Variants in KDM8 observed in about 807,000 individuals in gnomAD.
The protein encoded by KDM8 is bifunctional peptidase and arginyl-hydroxylase JMJD5.
A neutral mutation model predicts 46.9 loss-of-function variants in KDM8; 35 were observed. The observed-to-expected ratio is 0.75, with a 90% CI of 0.57 to 0.99. KDM8 has a LOEUF of 0.99. KDM8 is among the 50% of genes least tolerant of loss of function. The probability of loss-of-function intolerance (pLI) is 0.00; values close to 1 mark genes in which losing one functional copy is unlikely to be tolerated. For missense variants in KDM8, 475 were observed against 537.0 expected (o/e 0.88, Z 1.14); for synonymous variants, 232 against 227.7 (o/e 1.02, Z -0.17).
Position 27,210,682 on chromosome 16 carries a change from A to G in KDM8, c.498+61A>G, listed in dbSNP as rs1256008149. 3.4e-6 allele frequency: 5 copies of G among 1,462,866 alleles called. No homozygotes were observed. The South Asian group carries it at 4.5e-5, about 13-fold the overall frequency. The allele number at this position is 1,462,866 out of a possible 1,614,324, so 90.6% of individuals were successfully genotyped here. A position where few individuals can be genotyped will look rare whatever the true frequency, so the allele number is the denominator to read the frequency against. ...ATCCAGCAACCCTGTTGTTCTAGAA[A>G]TTCCGAGTCATCTCTCCCCTGGGGT... On this transcript the variant is annotated intron_variant, in intron 2 of 7. Coordinates refer to ENST00000286096, the MANE Select transcript of KDM8 (RefSeq NM_024773.3).
At chr16:27,219,634 C>T (rs552131384) in intron 6 of KDM8, among the ~76,000 whole-genome samples, 1 of 152,336 alleles carries the variant, frequency 6.6e-6, no homozygotes, top group East Asian at 1.9e-4. Flanking sequence ...GCAGACCAGT[C>T]CAGAGAGGCA....
chr16:27,210,706 G>A, intron 2 of KDM8, 85 bp downstream of exon 2: 1 of 1,341,972 alleles, frequency 7.5e-7, no homozygotes, highest in Non-Finnish European at 1.0e-6. Context: ...CTCCCCTGGG[G>A]TGAGGCCTCG....
At chr16:27,204,026 A>G (rs1409198628) in intron 1 of KDM8, 22 of 1,381,200 alleles carry the variant, frequency 1.6e-5, no homozygotes, top group East Asian at 2.6e-5. Flanking sequence ...CGCTGCTTTT[A>G]GGCAACCAGC....
Position 27,210,475 on chromosome 16 carries a change from G to T in KDM8, c.352G>T (p.Ala118Ser). The change falls in exon 2 of 8, where the codon GCA becomes TCA. Residue 118 changes from alanine to serine, a missense_variant. Transcript: ENST00000286096. ...ACCTGAGGATGCCAACACTGTGGCC[G>T]CAGCCCTGCGGGTCTGTGACATGGG... ...QAPEDANTVA[A>S]ALRVCDMGLL... is the part of the protein sequence containing the mutation. The T allele has an allele frequency of 6.3e-7, 1 of 1,585,094 alleles. No homozygotes were observed. Among genetic ancestry groups the T allele is most frequent in the Non-Finnish European group, 8.6e-7 (1 of 1,161,542 alleles).
At chr16:27,209,766 A>T (rs1421997109) in intron 1 of KDM8, among the ~76,000 whole-genome samples, 1 of 152,194 alleles carries the variant, frequency 6.6e-6, no homozygotes, top group Non-Finnish European at 1.5e-5. Context: ...CAGGCCTCAC[A>T]TAGGGATATT....
intron 1 of KDM8, among the ~76,000 whole-genome samples, chr16:27,207,988 C>T (rs541628694): frequency 4.5e-4 from 68 of 152,362 alleles, no homozygotes; most frequent in African/African-American, 1.5e-3. Context: ...CCTGAAGCCT[C>T]TGTCTCTGGA....
In KDM8 at chr16:27,220,379, GTC is replaced by G; in HGVS notation, c.994-7_994-6del. 1.2e-6 allele frequency: 2 copies of G among 1,611,306 alleles called. No individual in the cohort carries two copies. Among genetic ancestry groups the G allele is most frequent in the Non-Finnish European group, 1.7e-6 (2 of 1,177,528 alleles). ...GTGAGGCCACCAGCTGACTGTCAGG[GTC>G]TCTCTCCCCAGGTGATGGGGAGGAA... On this transcript the variant is annotated splice_polypyrimidine_tract_variant and intron_variant, in intron 6 of 7. Coordinates refer to ENST00000286096, the MANE Select transcript of KDM8 (RefSeq NM_024773.3).
chr16:27,214,102 C>A lies in KDM8; in HGVS notation c.665+351C>A, dbSNP rs182476963. On this transcript the variant is annotated intron_variant, in intron 3 of 7. Transcript: ENST00000286096. Reference sequence around the variant, plus strand: ...AGCAGAAATAACCCAAGAGACAGCCCCTCTCTCTCTGAGGGATTCTGTGGT... The same window carrying A: ...AGCAGAAATAACCCAAGAGACAGCCACTCTCTCTCTGAGGGATTCTGTGGT... 7 of 185,122 alleles carry A rather than the reference C, an allele frequency of 3.8e-5. No individual in the cohort carries two copies. The East Asian group carries it at 1.0e-3, about 27-fold the overall frequency. 11.5% of individuals were successfully genotyped at this position (185,122 alleles called of 1,614,324 possible).
At chr16:27,220,541 T>A (rs1435502151) in intron 7 of KDM8, 25 bp from the exon 8 acceptor site, 1 of 1,614,080 alleles carries the variant, frequency 6.2e-7, no homozygotes, top group Non-Finnish European at 8.5e-7. Flanking sequence ...CCCCTGGAGA[T>A]GATGACGTCC....
intron 1 of KDM8, chr16:27,204,334 G>T (rs1056859546): frequency 2.4e-5 from 33 of 1,363,002 alleles, no homozygotes; most frequent in Non-Finnish European, 2.8e-5. Context: ...CAGGAGGTGC[G>T]CAGGCGTTGG....
At chr16:27,213,050 A>G (rs919554029) in intron 2 of KDM8, among the ~76,000 whole-genome samples, 4 of 152,318 alleles carry the variant, frequency 2.6e-5, no homozygotes, top group African/African-American at 7.2e-5. Context: ...TAACTTACTC[A>G]GGTCACCCAG....
At position 27,221,112 on chromosome 16, in the gene KDM8, T is replaced by C. The variant is rs9923178; in HGVS notation, c.*382T>C. The C allele has an allele frequency of 0.55, 192,566 of 351,008 alleles. 54,512 individuals carry two copies. Among genetic ancestry groups the C allele is most frequent in the East Asian group, 0.89 (12,196 of 13,738 alleles). 21.7% of individuals were successfully genotyped at this position (351,008 alleles called of 1,614,324 possible). ...ACCTGATTCAAACCCGGCCGCGCTG[T>C]GCACCTGCTGGGTGACTTGGCCAGG... On this transcript the variant is annotated 3_prime_UTR_variant, in exon 8 of 8. Coordinates refer to ENST00000286096, the MANE Select transcript of KDM8 (RefSeq NM_024773.3).
Position 27,217,572 on chromosome 16 carries a change from C to T in KDM8, c.844-1389C>T, listed in dbSNP as rs575771764. ...GTACTTCAGTCCTAAGCAGCAGGCG[C>T]GGCTGCGTTTCTGCACAGCTGATTT... On this transcript the variant is annotated intron_variant, in intron 5 of 7. Transcript: ENST00000286096. Among the ~76,000 whole-genome samples, 10 of 152,316 alleles carry T rather than the reference C, an allele frequency of 6.6e-5. No homozygotes were observed. The East Asian group carries it at 7.7e-4, about 12-fold the overall frequency.
At chr16:27,211,265 G>T (rs905765813) in intron 2 of KDM8, 2 of 440,808 alleles carry the variant, frequency 4.5e-6, no homozygotes, top group Admixed American at 2.6e-5. Context: ...TCAGCTTCTT[G>T]GTGGGCTTGC....
chr16:27,218,178 AG>A (rs2083575140), intron 5 of KDM8, among the ~76,000 whole-genome samples: 1 of 152,074 alleles, frequency 6.6e-6, no homozygotes, highest in Non-Finnish European at 1.5e-5. Context: ...GCAATTTGGG[AG>A]GCTGAGGCAG....
At chr16:27,207,805 G>A (rs189798131) in intron 1 of KDM8, among the ~76,000 whole-genome samples, 6 of 152,232 alleles carry the variant, frequency 3.9e-5, no homozygotes, top group East Asian at 1.9e-4. Flanking sequence ...GGCTGGTCTC[G>A]AATTCTTGGG....
In KDM8 at chr16:27,221,040, G is replaced by A. The variant is rs1022004455; in HGVS notation, c.*310G>A. 1.9e-5 allele frequency: 8 copies of A among 421,272 alleles called. No individual in the cohort carries two copies. The highest frequency in any genetic ancestry group is 1.0e-4 in the South Asian group (5 of 48,508). 26.1% of individuals were successfully genotyped at this position (421,272 alleles called of 1,614,324 possible). ...AGAAAGCCGAATGTTTTTGGGAAAC[G>A]GGTGGGTCACACAGGCAGGGGTGAA... On this transcript the variant is annotated 3_prime_UTR_variant, in exon 8 of 8. Coordinates refer to ENST00000286096, the MANE Select transcript of KDM8 (RefSeq NM_024773.3).
At chr16:27,219,202 T>A in intron 6 of KDM8, 92 bp downstream of exon 6, 8 of 1,333,584 alleles carry the variant, frequency 6.0e-6, no homozygotes, top group Non-Finnish European at 8.1e-6. Flanking sequence ...ACCGGGCTCT[T>A]AAAAAGAAAC....
chr16:27,209,957 C>T (rs1369132186), intron 1 of KDM8, 136 bp from the exon 2 acceptor site: 2 of 888,642 alleles, frequency 2.3e-6, no homozygotes, highest in Admixed American at 2.5e-5. Flanking sequence ...TGAGGGCCCT[C>T]CCCTCCAGAG....
Sources: allele counts gnomAD v4.1 joint callset (sites outside exome capture counted in the v4.1 genomes callset), GRCh38; gene constraint gnomAD v4.1.1; transcripts MANE v1.5; gene names NCBI Gene and HGNC (gene_info 2026-07-23, HGNC 2026-07-21).